The following EFCAB6 variants were observed in gnomAD, a reference collection of about 807,000 sequenced individuals.
EFCAB6 encodes EF-hand calcium binding domain 6.
A neutral mutation model predicts 169.8 loss-of-function variants in EFCAB6; 156 were observed. The observed-to-expected ratio is 0.92, with a 90% confidence interval of 0.81 to 1.05. The LOEUF (loss-of-function observed/expected upper bound fraction) is 1.05. Among genes scored for constraint, EFCAB6 ranks in the 50% least tolerant of loss-of-function variants. EFCAB6 has a pLI of 0.00. For missense variants in EFCAB6, 1,800 were observed against 1,829.1 expected (o/e 0.98, Z 0.29); for synonymous variants, 698 against 676.4 (o/e 1.03, Z -0.50).
chr22:43,787,352 GCACACACACACACA>G (rs61585162), intron 2 of EFCAB6, among the ~76,000 whole-genome samples: 1 of 146,770 alleles, frequency 6.8e-6, no homozygotes, highest in Non-Finnish European at 1.5e-5. Context: ...ACACACATAT[GCACACACACACACA>G]CACACACACA....
chr22:43,776,699 A>G (rs1396109053), intron 3 of EFCAB6, among the ~76,000 whole-genome samples: 4 of 152,262 alleles, frequency 2.6e-5, no homozygotes, highest in Middle Eastern at 6.8e-3. Flanking sequence ...AAAAGGCTGG[A>G]GTGGACGGTG....
chr22:43,643,405 C>G (rs737788), intron 17 of EFCAB6, among the ~76,000 whole-genome samples: 1 of 152,112 alleles, frequency 6.6e-6, no homozygotes. Context: ...TCAACTTTGT[C>G]CTTTACTGAT....
intron 17 of EFCAB6, among the ~76,000 whole-genome samples, chr22:43,665,204 A>T (rs1293327559): frequency 2.0e-5 from 3 of 152,156 alleles, no homozygotes; most frequent in African/African-American, 7.2e-5. Context: ...CATGAGACTG[A>T]CATTCAGGAG....
chr22:43,564,369 A>G (rs886126129), intron 26 of EFCAB6, among the ~76,000 whole-genome samples: 5 of 151,860 alleles, frequency 3.3e-5, no homozygotes, highest in Non-Finnish European at 7.4e-5. Context: ...AATCGCTTCA[A>G]CCTGGGAGGT....
chr22:43,651,366 G>C (rs1052107141), intron 17 of EFCAB6, among the ~76,000 whole-genome samples: 1 of 152,228 alleles, frequency 6.6e-6, no homozygotes, highest in Non-Finnish European at 1.5e-5. Flanking sequence ...ATGGTGTTGA[G>C]CCTGTGAGTG....
chr22:43,770,160 G>A (rs1191470305), intron 4 of EFCAB6, among the ~76,000 whole-genome samples: 1 of 151,934 alleles, frequency 6.6e-6, no homozygotes, highest in Non-Finnish European at 1.5e-5. Flanking sequence ...CCCAGCCAAG[G>A]TCAGCTAATT....
intron 25 of EFCAB6, among the ~76,000 whole-genome samples, chr22:43,578,012 G>A (rs930294435): frequency 1.3e-5 from 2 of 152,100 alleles, no homozygotes; most frequent in Admixed American, 1.3e-4. Flanking sequence ...AACTAAGGTC[G>A]ATCCTCAGAA....
At chr22:43,715,648 G>C (rs2059309780) in intron 9 of EFCAB6, among the ~76,000 whole-genome samples, 1 of 152,098 alleles carries the variant, frequency 6.6e-6, no homozygotes, top group South Asian at 2.1e-4. Flanking sequence ...GAGAGGTCCA[G>C]AATTATGTTC....
intron 10 of EFCAB6, among the ~76,000 whole-genome samples, chr22:43,707,700 A>G (rs2059005640): frequency 6.6e-6 from 1 of 152,196 alleles, no homozygotes; most frequent in Admixed American, 6.5e-5. Context: ...TTTTGAAAAC[A>G]AAAACTGAAC....
intron 13 of EFCAB6, among the ~76,000 whole-genome samples, chr22:43,677,066 C>A (rs1264679507): frequency 1.3e-5 from 2 of 152,126 alleles, no homozygotes; most frequent in Non-Finnish European, 2.9e-5. Context: ...TTAAAAGCAG[C>A]TTTTTAAAAA....
At chr22:43,670,748 C>T (rs1357005314) in intron 15 of EFCAB6, among the ~76,000 whole-genome samples, 1 of 152,218 alleles carries the variant, frequency 6.6e-6, no homozygotes, top group Non-Finnish European at 1.5e-5. Flanking sequence ...CTTTGGTCAG[C>T]TGGGAGAGAC....
At chr22:43,772,197 TGA>T (rs1015275448) in intron 4 of EFCAB6, among the ~76,000 whole-genome samples, 3 of 152,178 alleles carry the variant, frequency 2.0e-5, no homozygotes, top group African/African-American at 7.2e-5. Context: ...GGGCAGGGCC[TGA>T]GTCTGACTTA....
At chr22:43,706,436 T>A (rs758236475) in intron 10 of EFCAB6, among the ~76,000 whole-genome samples, 1 of 152,258 alleles carries the variant, frequency 6.6e-6, no homozygotes, top group African/African-American at 2.4e-5. Context: ...TCATTATTCA[T>A]AGGTTTGCTT....
chr22:43,598,970 G>A (rs2052270945), intron 23 of EFCAB6, among the ~76,000 whole-genome samples: 1 of 152,154 alleles, frequency 6.6e-6, no homozygotes, highest in Non-Finnish European at 1.5e-5. Context: ...AAATGGAAAG[G>A]AATCATGTAC....
At chr22:43,716,026 T>A (rs1291608139) in intron 9 of EFCAB6, among the ~76,000 whole-genome samples, 3 of 152,266 alleles carry the variant, frequency 2.0e-5, no homozygotes, top group African/African-American at 7.2e-5. Context: ...TTTTGCTGTA[T>A]AAAGGATTGT....
At chr22:43,641,271 T>C (rs182924486) in intron 17 of EFCAB6, among the ~76,000 whole-genome samples, 1 of 152,296 alleles carries the variant, frequency 6.6e-6, no homozygotes, top group Non-Finnish European at 1.5e-5. Flanking sequence ...CCTATGCAGA[T>C]ATGAGCACCA....
chr22:43,587,004 A>G (rs1231649818), intron 24 of EFCAB6, among the ~76,000 whole-genome samples: 2 of 152,200 alleles, frequency 1.3e-5, no homozygotes, highest in Non-Finnish European at 2.9e-5. Flanking sequence ...TCACTTCCTA[A>G]AACAGAGGGA....
intron 28 of EFCAB6, 120 bp downstream of exon 28, chr22:43,540,007 C>T: frequency 9.1e-7 from 1 of 1,098,744 alleles, no homozygotes; most frequent in Non-Finnish European, 1.3e-6. Flanking sequence ...CCACCCCAGA[C>T]TCACCCGTCT....
At chr22:43,616,306 T>C (rs965520742) in intron 20 of EFCAB6, among the ~76,000 whole-genome samples, 4 of 152,186 alleles carry the variant, frequency 2.6e-5, no homozygotes, top group African/African-American at 9.7e-5. Context: ...CTACAGGAAA[T>C]GGTTGAGAAA....
Sources: gnomAD v4.1 joint callset for allele counts (sites outside exome capture counted in the v4.1 genomes callset) on GRCh38, gnomAD v4.1.1 for gene constraint, MANE v1.5 for transcripts, NCBI Gene and HGNC (gene_info 2026-07-23, HGNC 2026-07-21) for gene names.